KLF12: variants seen among roughly 807,000 people sequenced by gnomAD.
KLF12 encodes the protein Krueppel-like factor 12.
KLF12 carries 9 observed loss-of-function variants against 37.8 expected under a neutral mutation model. The observed-to-expected ratio is 0.24, with a 90% CI of 0.14 to 0.42. The LOEUF (loss-of-function observed/expected upper bound fraction) is 0.42. Ranked by LOEUF, KLF12 falls within the 10% of genes least tolerant of loss-of-function variation. KLF12 has a pLI of 1.00. For synonymous variants in KLF12, 208 were observed against 202.1 expected (o/e 1.03, Z -0.25); for missense variants, 411 against 516.0 (o/e 0.80, Z 1.97).
chr13:74,298,644 A>G, the KLF12 span, among the ~76,000 whole-genome samples: 1 of 152,342 alleles, frequency 6.6e-6, no homozygotes, highest in East Asian at 1.9e-4. Flanking sequence ...TTTTGAAGTT[A>G]TAGAGGCTGG....
chr13:74,255,827 TGAGATGACTGAGATGA>T, the KLF12 span, among the ~76,000 whole-genome samples: 1 of 152,170 alleles, frequency 6.6e-6, no homozygotes, highest in East Asian at 1.9e-4. Flanking sequence ...CATCATCTAA[TGAGATGACTGAGATGA>T]CATCTACTAC....
the KLF12 span, among the ~76,000 whole-genome samples, chr13:74,194,688 C>T: frequency 2.0e-5 from 3 of 152,030 alleles, no homozygotes; most frequent in African/African-American, 7.2e-5. Flanking sequence ...TTTTAAGGGC[C>T]AAGAGGGGGC....
intron 6 of KLF12, among the ~76,000 whole-genome samples, chr13:73,743,887 G>C (rs1878184261): frequency 6.6e-6 from 1 of 152,138 alleles, no homozygotes; most frequent in South Asian, 2.1e-4. Context: ...TACATGGAGG[G>C]CTCTTATCAT....
intron 3 of KLF12, among the ~76,000 whole-genome samples, chr13:73,884,845 T>A (rs1009868713): frequency 2.6e-5 from 4 of 152,228 alleles, no homozygotes; most frequent in African/African-American, 9.6e-5. Context: ...CAATCCATTA[T>A]TCACTTCTTT....
intron 3 of KLF12, among the ~76,000 whole-genome samples, chr13:73,923,176 T>C (rs1889205224): frequency 6.6e-6 from 1 of 152,142 alleles, no homozygotes; most frequent in Non-Finnish European, 1.5e-5. Context: ...AGAGGTAAAA[T>C]AAAATGTCAA....
chr13:74,147,333 G>C, the KLF12 span, among the ~76,000 whole-genome samples: 1 of 151,910 alleles, frequency 6.6e-6, no homozygotes, highest in African/African-American at 2.4e-5. Context: ...AATGCTAATA[G>C]GTGCTCCTAC....
At chr13:74,253,654 C>A in the KLF12 span, among the ~76,000 whole-genome samples, 1 of 152,110 alleles carries the variant, frequency 6.6e-6, no homozygotes, top group Non-Finnish European at 1.5e-5. Flanking sequence ...AACTTGCCAG[C>A]CTGTTAGAGC....
chr13:73,764,065 C>T (rs1244780861), intron 6 of KLF12, among the ~76,000 whole-genome samples: 1 of 152,008 alleles, frequency 6.6e-6, no homozygotes, highest in African/African-American at 2.4e-5. Context: ...AATTTGGAAG[C>T]TCAATCTTTG....
At chr13:73,839,613 CTTTTAT>C (rs1425025010) in intron 4 of KLF12, among the ~76,000 whole-genome samples, 1 of 152,002 alleles carries the variant, frequency 6.6e-6, no homozygotes, top group African/African-American at 2.4e-5. Context: ...TCAAATTTTA[CTTTTAT>C]TTTTACTTGT....
chr13:74,137,739 T>C (rs1878599795), upstream of KLF12, among the ~76,000 whole-genome samples: 1 of 152,002 alleles, frequency 6.6e-6, no homozygotes, highest in Non-Finnish European at 1.5e-5. Flanking sequence ...AGAAAAATCT[T>C]TTTTTATTTT....
rs71115618 is a variant in KLF12 at position 73,830,991 on chromosome 13, T to TACACAC, written c.670+14830_670+14835dup. Among the ~76,000 whole-genome samples, 832 of 118,992 alleles carry TACACAC rather than the reference T, an allele frequency of 7.0e-3. 1 individual carries two copies. The highest frequency in any genetic ancestry group is 0.013 in the Middle Eastern group (3 of 230). The allele number at this position is 118,992 out of a possible 152,430, so 78.1% of individuals were successfully genotyped here. A position where few individuals can be genotyped will look rare whatever the true frequency, so the allele number is the denominator to read the frequency against. Reference sequence around the variant, plus strand: ...ACATGGAATTACCTCACGCAATTCATACACACACACACACACACACACACA... The same window carrying TACACAC: ...ACATGGAATTACCTCACGCAATTCATACACACACACACACACACACACACACACACA... On this transcript the variant is annotated intron_variant, in intron 4 of 7. Coordinates refer to ENST00000377669, the MANE Select transcript of KLF12 (RefSeq NM_007249.5).
intron 4 of KLF12, among the ~76,000 whole-genome samples, chr13:73,821,332 C>T (rs1883514858): frequency 6.6e-6 from 1 of 152,282 alleles, no homozygotes; most frequent in Non-Finnish European, 1.5e-5. Flanking sequence ...CAGCTCTGAC[C>T]TCTCCCCTAA....
chr13:74,112,235 G>T (rs1877015989), intron 1 of KLF12, among the ~76,000 whole-genome samples: 2 of 146,970 alleles, frequency 1.4e-5, no homozygotes, highest in South Asian at 4.4e-4. Flanking sequence ...TGATATGTAT[G>T]CATGACAGTG....
intron 6 of KLF12, among the ~76,000 whole-genome samples, chr13:73,762,871 A>G (rs1418979854): frequency 6.6e-6 from 1 of 152,186 alleles, no homozygotes; most frequent in Non-Finnish European, 1.5e-5. Flanking sequence ...TTATTTCCAT[A>G]TACTAGACTC....
the KLF12 span, among the ~76,000 whole-genome samples, chr13:74,145,828 T>C: frequency 6.6e-6 from 1 of 152,186 alleles, no homozygotes; most frequent in African/African-American, 2.4e-5. Context: ...TCTTGGATCA[T>C]GTTCCAAGGT....
intron 4 of KLF12, among the ~76,000 whole-genome samples, chr13:73,820,148 C>G (rs1436465538): frequency 6.6e-6 from 1 of 152,178 alleles, no homozygotes; most frequent in African/African-American, 2.4e-5. Context: ...CTCTGGCTAT[C>G]TCTGCCTGGA....
the KLF12 span, among the ~76,000 whole-genome samples, chr13:74,187,421 G>A: frequency 6.6e-6 from 1 of 152,070 alleles, no homozygotes; most frequent in South Asian, 2.1e-4. Context: ...AAGTGTCCTC[G>A]TTTGTAACCG....
rs912675112 is a variant in KLF12, at chr13:73,691,411, G to A, written c.*4079C>T. 1 of 152,600 alleles carries A rather than the reference G, an allele frequency of 6.6e-6. No individual in the cohort carries two copies. The highest frequency in any genetic ancestry group is 2.4e-5 in the African/African-American group (1 of 41,446). The allele number at this position is 152,600 out of a possible 1,614,324, so 9.5% of individuals were successfully genotyped here. On this transcript the variant is annotated 3_prime_UTR_variant, in exon 8 of 8. Coordinates refer to ENST00000377669, the MANE Select transcript of KLF12 (RefSeq NM_007249.5). ...ATACTAGAATACATTTACCTGCTAA[G>A]TTTACAGGCAACATTGAAGAGCAAA...
chr13:73,781,152 C>A (rs1880941403), intron 5 of KLF12, among the ~76,000 whole-genome samples: 1 of 152,166 alleles, frequency 6.6e-6, no homozygotes, highest in Non-Finnish European at 1.5e-5. Context: ...ATACGACTCG[C>A]TGAAACCTCA....
Sources: allele counts gnomAD v4.1 joint callset (sites outside exome capture counted in the v4.1 genomes callset), GRCh38; gene constraint gnomAD v4.1.1; transcripts MANE v1.5; gene names NCBI Gene and HGNC (gene_info 2026-07-23, HGNC 2026-07-21).